Variants in TRAPPC9 observed in about 807,000 individuals in gnomAD.
The protein encoded by TRAPPC9 is trafficking protein particle complex subunit 9.
Under a neutral mutation model 124.0 loss-of-function variants are expected in TRAPPC9, and 83 were observed. That is an observed-to-expected ratio of 0.67 (90% CI 0.56 to 0.80). TRAPPC9 has a LOEUF of 0.80. TRAPPC9 is among the 30% of genes least tolerant of loss of function. TRAPPC9 has a pLI of 0.00. For synonymous variants in TRAPPC9, 638 were observed against 617.5 expected (o/e 1.03, Z -0.49); for missense variants, 1,302 against 1,508.3 (o/e 0.86, Z 2.27).
chr8:139,925,216 G>A (rs1832737010), intron 19 of TRAPPC9, among the ~76,000 whole-genome samples: 1 of 152,108 alleles, frequency 6.6e-6, no homozygotes. Flanking sequence ...CCACAGTGTG[G>A]AAAAAAATGC....
At chr8:140,052,231 A>G (rs990011310) in intron 17 of TRAPPC9, among the ~76,000 whole-genome samples, 1 of 151,638 alleles carries the variant, frequency 6.6e-6, no homozygotes, top group Non-Finnish European at 1.5e-5. Flanking sequence ...AACAACAACA[A>G]CAACAACAAC....
intron 17 of TRAPPC9, among the ~76,000 whole-genome samples, chr8:140,157,233 T>C (rs1437731809): frequency 4.2e-5 from 1 of 24,008 alleles, no homozygotes; most frequent in African/African-American, 1.7e-4. Flanking sequence ...AGCCTCCCTT[T>C]TCCATTCAAA....
intron 17 of TRAPPC9, among the ~76,000 whole-genome samples, chr8:140,029,421 T>C (rs1840360742): frequency 6.6e-6 from 1 of 152,062 alleles, no homozygotes; most frequent in Non-Finnish European, 1.5e-5. Flanking sequence ...ATGAGAATCA[T>C]TTGAACCCGG....
chr8:140,179,993 A>ATTTTTTTTTTTTTTTT lies in TRAPPC9; in HGVS notation c.2556+41450_2556+41465dup, dbSNP rs71520259. ...ATAAACAATTTATAGTTATATCTTG[A>ATTTTTTTTTTTTTTTT]TTTTTTTTTTTTTTTTTTTTTGGCC... On this transcript the variant is annotated intron_variant, in intron 17 of 22. Coordinates refer to ENST00000438773, the MANE Select transcript of TRAPPC9 (RefSeq NM_001160372.4). 3.2e-4 allele frequency among the ~76,000 whole-genome samples: 29 copies of ATTTTTTTTTTTTTTTT among 90,034 alleles called. 1 individual carries two copies. Among genetic ancestry groups the ATTTTTTTTTTTTTTTT allele is most frequent in the East Asian group, 9.6e-4 (2 of 2,078 alleles). The allele number at this position is 90,034 out of a possible 152,430, so 59.1% of individuals were successfully genotyped here.
intron 17 of TRAPPC9, among the ~76,000 whole-genome samples, chr8:140,168,352 G>A (rs4503078): frequency 0.57 from 85,893 of 150,450 alleles, 25,157 homozygotes; most frequent in East Asian, 0.99. Context: ...CCTCTATCCA[G>A]TTCTAAAACA....
intron 17 of TRAPPC9, among the ~76,000 whole-genome samples, chr8:140,205,595 G>C (rs1371638682): frequency 6.6e-6 from 1 of 152,204 alleles, no homozygotes; most frequent in East Asian, 1.9e-4. Context: ...TGCACTACAT[G>C]AACTATTTTA....
At chr8:140,147,705 A>G (rs2061483721) in intron 17 of TRAPPC9, among the ~76,000 whole-genome samples, 1 of 152,278 alleles carries the variant, frequency 6.6e-6, no homozygotes, top group Non-Finnish European at 1.5e-5. Context: ...ATCAGTGTTC[A>G]ATTAATAACA....
intron 9 of TRAPPC9, among the ~76,000 whole-genome samples, chr8:140,346,493 T>C (rs1307955716): frequency 6.6e-6 from 1 of 152,230 alleles, no homozygotes; most frequent in Non-Finnish European, 1.5e-5. Flanking sequence ...CTACTAAAAT[T>C]AAATGCTCAG....
chr8:139,946,776 C>T (rs994830439), intron 19 of TRAPPC9, among the ~76,000 whole-genome samples: 20 of 150,944 alleles, frequency 1.3e-4, no homozygotes, highest in African/African-American at 4.4e-4. Context: ...GTCAGGAGAT[C>T]GAGACCATCC....
chr8:140,405,752 C>G, intron 5 of TRAPPC9, 54 bp from the exon 6 acceptor site: 1 of 1,608,006 alleles, frequency 6.2e-7, no homozygotes, highest in South Asian at 1.1e-5. Context: ...TGTATTATTT[C>G]TTTGTTAAAG....
At chr8:140,166,567 G>T (rs4736146) in intron 17 of TRAPPC9, among the ~76,000 whole-genome samples, 85,967 of 151,980 alleles carry the variant, frequency 0.57, 25,215 homozygotes, top group East Asian at 0.99. Context: ...ATCATGAGTA[G>T]TGTTTCTAGG....
chr8:140,391,684 C>T (rs2068928043), intron 7 of TRAPPC9, among the ~76,000 whole-genome samples: 1 of 148,270 alleles, frequency 6.7e-6, no homozygotes, highest in South Asian at 2.1e-4. Flanking sequence ...TGCACTCTAG[C>T]CTGGGCAACA....
rs186102237 is a variant in TRAPPC9 at position 139,787,224 on chromosome 8, T to C, written c.3056-55022A>G. Among the ~76,000 whole-genome samples the C allele has an allele frequency of 1.4e-4, 22 of 152,108 alleles. 1 individual carries two copies. In the East Asian group the frequency reaches 4.3e-3, roughly 29 times the overall value. ...ACAGCCTGCGGGAATGGCCAGTCAC[T>C]GCTTGATTTGAATTTGAGGAGGAAA... On this transcript the variant is annotated intron_variant, in intron 21 of 22. Transcript: ENST00000438773.
chr8:140,267,450 A>G (rs2064717520), intron 15 of TRAPPC9, among the ~76,000 whole-genome samples: 2 of 152,230 alleles, frequency 1.3e-5, no homozygotes, highest in South Asian at 4.1e-4. Flanking sequence ...AAGAGTGTCA[A>G]TACTACGTAA....
At chr8:140,050,341 A>G (rs1180117529) in intron 17 of TRAPPC9, among the ~76,000 whole-genome samples, 2 of 152,236 alleles carry the variant, frequency 1.3e-5, no homozygotes, top group Admixed American at 1.3e-4. Context: ...GAGAATGCAG[A>G]ATTAACGTCT....
At chr8:140,210,167 G>A (rs543271452) in intron 17 of TRAPPC9, among the ~76,000 whole-genome samples, 3 of 152,340 alleles carry the variant, frequency 2.0e-5, no homozygotes, top group East Asian at 3.9e-4. Context: ...CTAGCAGAGG[G>A]GCCGGAACCG....
At chr8:140,071,054 T>C (rs1438010267) in intron 17 of TRAPPC9, among the ~76,000 whole-genome samples, 1 of 152,234 alleles carries the variant, frequency 6.6e-6, no homozygotes, top group African/African-American at 2.4e-5. Flanking sequence ...TGGTGCCCCA[T>C]ATTATCTCAC....
intron 19 of TRAPPC9, among the ~76,000 whole-genome samples, chr8:139,934,893 A>T (rs998882505): frequency 2.6e-5 from 4 of 152,196 alleles, no homozygotes; most frequent in African/African-American, 9.6e-5. Context: ...GCCAAGTCCT[A>T]CTTGTGGGCT....
intron 17 of TRAPPC9, among the ~76,000 whole-genome samples, chr8:140,050,676 C>T (rs544747090): frequency 2.0e-4 from 30 of 152,212 alleles, no homozygotes; most frequent in African/African-American, 7.0e-4. Context: ...CATGAAATGT[C>T]TATGGAGGAA....
Sources: gnomAD v4.1 joint callset for allele counts (sites outside exome capture counted in the v4.1 genomes callset) on GRCh38, gnomAD v4.1.1 for gene constraint, MANE v1.5 for transcripts, NCBI Gene and HGNC (gene_info 2026-07-23, HGNC 2026-07-21) for gene names.